EPS8L2: variants seen among roughly 807,000 people sequenced by gnomAD.
EPS8L2 encodes the protein EPS8 signaling adaptor L2, also known as epidermal growth factor receptor kinase substrate 8-like protein 2.
Under a neutral mutation model 99.4 loss-of-function variants are expected in EPS8L2, and 81 were observed. That is an observed-to-expected ratio of 0.82 (90% CI 0.68 to 0.98). The LOEUF (loss-of-function observed/expected upper bound fraction) is 0.98, where lower values mean the gene tolerates loss of function less well. Among genes scored for constraint, EPS8L2 ranks in the 50% least tolerant of loss-of-function variants. The pLI, the probability that EPS8L2 is intolerant of heterozygous loss-of-function variation, is 0.00. For missense variants in EPS8L2, 1,155 were observed against 968.8 expected (o/e 1.19, Z -2.55); for synonymous variants, 509 against 407.3 (o/e 1.25, Z -3.01).
Position 725,738 on chromosome 11 carries a change from AC to A in EPS8L2, c.1572del (p.Asp524GlufsTer23). 1 of 1,324,838 alleles carries A rather than the reference AC, an allele frequency of 7.5e-7. No homozygotes were observed. 82.1% of individuals were successfully genotyped at this position (1,324,838 alleles called of 1,614,324 possible). A position where few individuals can be genotyped will look rare whatever the true frequency, so the allele number is the denominator to read the frequency against. ...LKDEVLEVLE[D>X]GRQWWKLRSR... ...CGGCGCGCCCCGCAGGTGCTGGAGG[AC>A]GGCCGGCAGTGGTGGAAGCTGCGCA... On this transcript the variant is annotated frameshift_variant, in exon 17 of 21. Coordinates refer to ENST00000318562, the MANE Select transcript of EPS8L2 (RefSeq NM_022772.4). LOFTEE classifies it high-confidence loss of function.
At chr11:721,531 TC>T in intron 9 of EPS8L2, 33 bp from the exon 10 acceptor site, 1 of 1,526,968 alleles carries the variant, frequency 6.5e-7, no homozygotes, top group South Asian at 1.3e-5. Context: ...GTGGGGAGTG[TC>T]AGGGGCTGAC....
Position 710,421 on chromosome 11 carries a change from G to A in EPS8L2, c.101-1G>A. 6.2e-7 allele frequency: 1 copy of A among 1,613,492 alleles called. No homozygotes were observed. Among genetic ancestry groups the A allele is most frequent in the Non-Finnish European group, 8.5e-7 (1 of 1,179,876 alleles). On this transcript the variant is annotated splice_acceptor_variant, in intron 3 of 20. Transcript: ENST00000318562. LOFTEE classifies it high-confidence loss of function. The stretch of plus-strand genomic sequence containing the variant: ...GGAGTGACTGGTGTCTCCCGGTTCA[G>A]AGCAGAGGAAGAAGTATTCCAACTC...
rs753030452 is a variant in EPS8L2 at position 725,788 on chromosome 11, G to C, written c.1621G>C (p.Val541Leu). ...CAGCCGCAGCGGCCAGGCGGGGTAC[G>C]TGCCCTGCAACATCCTAGGCGAGGC... ...LRSRSGQAGYVPCNILGEARP... is the reference protein window; with the variant it reads ...LRSRSGQAGYLPCNILGEARP... The change falls in exon 17 of 21, where the codon GTG becomes CTG. Residue 541 changes from valine (V) to leucine (L), a missense_variant. By Grantham distance (32) the Val-to-Leu change is conservative. Transcript: ENST00000318562. 7.3e-7 allele frequency: 1 copy of C among 1,372,162 alleles called. No individual in the cohort carries two copies. Among genetic ancestry groups the C allele is most frequent in the Non-Finnish European group, 9.4e-7 (1 of 1,066,466 alleles). 85.0% of individuals were successfully genotyped at this position (1,372,162 alleles called of 1,614,324 possible).
At position 726,387 on chromosome 11, in the gene EPS8L2, C is replaced by T; in HGVS notation, c.1837C>T (p.Arg613Cys). The T allele has an allele frequency of 1.2e-6, 2 of 1,609,524 alleles. No individual in the cohort carries two copies. Among genetic ancestry groups the T allele is most frequent in the Non-Finnish European group, 1.7e-6 (2 of 1,178,784 alleles). The change falls in exon 19 of 21, where the codon CGC becomes TGC. Residue 613 changes from arginine to cysteine, a missense_variant. By Grantham distance (180) the Arg-to-Cys change is radical. Coordinates refer to ENST00000318562, the MANE Select transcript of EPS8L2 (RefSeq NM_022772.4). ...CAGGGCGCAGCCACAGAGGCACTTC[C>T]GCGTGGAGCGCAGCCAGCCCGTGAG... ...NIRAQPQRHF[R>C]VERSQPVSQP...
intron 4 of EPS8L2, among the ~76,000 whole-genome samples, chr11:718,668 ATTTC>A (rs1321762725): frequency 7.8e-6 from 1 of 127,676 alleles, no homozygotes; most frequent in Admixed American, 7.6e-5. Flanking sequence ...AATTTTTTTA[ATTTC>A]TTTTTTTTTT....
chr11:726,362 C>G lies in EPS8L2; in HGVS notation c.1812C>G (p.Ile604Met). Reference sequence around the variant, plus strand: ...AGCTCATCCGGAAAATCAGCAACATCAGGGCGCAGCCACAGAGGCACTTCC... The same window carrying G: ...AGCTCATCCGGAAAATCAGCAACATGAGGGCGCAGCCACAGAGGCACTTCC... ...NDELIRKISNIRAQPQRHFRV... is the reference protein window; with the variant it reads ...NDELIRKISNMRAQPQRHFRV... Residue 604 changes from isoleucine (I) to methionine (M), a missense_variant, in exon 19 of 21, where the codon ATC (isoleucine) becomes ATG (methionine). Coordinates refer to ENST00000318562, the MANE Select transcript of EPS8L2 (RefSeq NM_022772.4). 1.2e-6 allele frequency: 2 copies of G among 1,610,956 alleles called. No individual in the cohort carries two copies. The highest frequency in any genetic ancestry group is 1.7e-6 in the Non-Finnish European group (2 of 1,179,272).
Position 725,785 on chromosome 11 carries a change from T to A in EPS8L2, c.1618T>A (p.Tyr540Asn). 1 of 1,363,124 alleles carries A rather than the reference T, an allele frequency of 7.3e-7. No individual in the cohort carries two copies. 84.4% of individuals were successfully genotyped at this position (1,363,124 alleles called of 1,614,324 possible). A position where few individuals can be genotyped will look rare whatever the true frequency, so the allele number is the denominator to read the frequency against. ...GCGCAGCCGCAGCGGCCAGGCGGGGTACGTGCCCTGCAACATCCTAGGCGA... is the reference window on the plus strand; with the variant it reads ...GCGCAGCCGCAGCGGCCAGGCGGGGAACGTGCCCTGCAACATCCTAGGCGA... ...KLRSRSGQAG[Y>N]VPCNILGEAR... Residue 540 changes from tyrosine (Y) to asparagine (N), a missense_variant, in exon 17 of 21, where the codon TAC becomes AAC. Transcript: ENST00000318562.
chr11:721,580 G>A lies in EPS8L2; in HGVS notation c.784G>A (p.Ala262Thr), dbSNP rs756665887. The change falls in exon 10 of 21, where the codon GCC becomes ACC. Residue 262 changes from alanine (A) to threonine (T), a missense_variant. Coordinates refer to ENST00000318562, the MANE Select transcript of EPS8L2 (RefSeq NM_022772.4). ...CTGACCCCAGCAAATCCTCAACTGC[G>A]CCCTGGACGACATCGAGTGGTTTGT... is the stretch of plus-strand genomic sequence containing the variant. ...IEKETQILNC[A>T]LDDIEWFVAR... 5.8e-6 allele frequency: 9 copies of A among 1,565,116 alleles called. No homozygotes were observed. The East Asian group carries it at 1.6e-4, about 27-fold the overall frequency.
At chr11:722,340 A>T (rs1264673472) in intron 12 of EPS8L2, 61 bp from the exon 13 acceptor site, 1 of 1,588,154 alleles carries the variant, frequency 6.3e-7, no homozygotes. Context: ...CTGTGGAGCT[A>T]CGGGGGTGCT....
chr11:725,184 G>A (rs2133538407), intron 16 of EPS8L2, among the ~76,000 whole-genome samples: 1 of 152,328 alleles, frequency 6.6e-6, no homozygotes, highest in South Asian at 2.1e-4. Context: ...GCCACCCACT[G>A]GGGGACAGAA....
In EPS8L2 at chr11:721,589, G is replaced by A. The variant is rs775248143; in HGVS notation, c.793G>A (p.Asp265Asn). ...GCAAATCCTCAACTGCGCCCTGGAC[G>A]ACATCGAGTGGTTTGTGGCCCGGCT... is the stretch of plus-strand genomic sequence containing the variant. ...ETQILNCALD[D>N]IEWFVARLQK... is the part of the protein sequence containing the mutation. Residue 265 changes from aspartate (D) to asparagine (N), a missense_variant, in exon 10 of 21, where the codon GAC becomes AAC. Transcript: ENST00000318562. The A allele has an allele frequency of 1.6e-5, 25 of 1,568,522 alleles. No individual in the cohort carries two copies. The Middle Eastern group carries it at 5.1e-4, about 32-fold the overall frequency.
In EPS8L2 at chr11:722,083, A is replaced by AC. The variant is rs766469738; in HGVS notation, c.985-3dup. On this transcript the variant is annotated splice_region_variant and splice_polypyrimidine_tract_variant and intron_variant, in intron 11 of 20. Transcript: ENST00000318562. Reference sequence around the variant, plus strand: ...CCCCGGCACCTGCTCACTTGTTCCCACCCCCAGGCAAAGCTGCAGAAGCAC... The same window carrying AC: ...CCCCGGCACCTGCTCACTTGTTCCCACCCCCCAGGCAAAGCTGCAGAAGCAC... 5.6e-6 allele frequency: 9 copies of AC among 1,612,460 alleles called. No individual in the cohort carries two copies. Among genetic ancestry groups the AC allele is most frequent in the East Asian group, 4.5e-5 (2 of 44,838 alleles).
At chr11:725,621 C>A in intron 16 of EPS8L2, 107 bp from the exon 17 acceptor site, 1 of 1,082,986 alleles carries the variant, frequency 9.2e-7, no homozygotes, top group Non-Finnish European at 1.2e-6. Flanking sequence ...CGAAGCGGGG[C>A]TCCGGGAGAC....
chr11:726,273 A>G, intron 18 of EPS8L2, 31 bp from the exon 19 acceptor site: 2 of 1,586,554 alleles, frequency 1.3e-6, no homozygotes, highest in Non-Finnish European at 1.7e-6. Flanking sequence ...GGGGCAAGGC[A>G]GCGGCGGGCC....
chr11:719,628 C>T (rs1247837728), intron 4 of EPS8L2, among the ~76,000 whole-genome samples: 1 of 152,268 alleles, frequency 6.6e-6, no homozygotes, highest in African/African-American at 2.4e-5. Context: ...ACGCACAGCA[C>T]ACCACGTGCA....
At chr11:726,071 G>A in intron 17 of EPS8L2, 27 bp from the exon 18 acceptor site, 10 of 1,476,952 alleles carry the variant, frequency 6.8e-6, no homozygotes, top group Non-Finnish European at 9.3e-6. Flanking sequence ...GGGGCGTGGG[G>A]AGCCTAATCG....
rs959829404 is a variant in EPS8L2 at position 712,414 on chromosome 11, G to T, written c.165+1928G>T. Among the ~76,000 whole-genome samples the T allele has an allele frequency of 8.0e-5, 12 of 150,418 alleles. 1 individual carries two copies. The highest frequency in any genetic ancestry group is 2.9e-4 in the African/African-American group (12 of 41,188). On this transcript the variant is annotated intron_variant, in intron 4 of 20. Transcript: ENST00000318562. ...GGTGCGAGCTGGGCTCCCGGTTGTCGTCCAAGCCTGGGTGCGAGCTGGGCT... is the reference window on the plus strand; with the variant it reads ...GGTGCGAGCTGGGCTCCCGGTTGTCTTCCAAGCCTGGGTGCGAGCTGGGCT...
At position 711,237 on chromosome 11, in the gene EPS8L2, TTTGTGTGCGTGTGTGC is replaced by T. The variant is rs1294565371; in HGVS notation, c.165+752_165+767del. 6.6e-3 allele frequency among the ~76,000 whole-genome samples: 885 copies of T among 134,912 alleles called. 4 individuals are homozygous for T. Among genetic ancestry groups the T allele is most frequent in the African/African-American group, 0.023 (848 of 37,640 alleles). 88.5% of individuals were successfully genotyped at this position (134,912 alleles called of 152,430 possible). ...CTCAGGAAATGTTTTTTTGGGGGGT[TTTGTGTGCGTGTGTGC>T]GTGTGTGCGTGCGTGCGTGTGTGTG... On this transcript the variant is annotated intron_variant, in intron 4 of 20. Coordinates refer to ENST00000318562, the MANE Select transcript of EPS8L2 (RefSeq NM_022772.4).
At chr11:713,248 G>A (rs1861935496) in intron 4 of EPS8L2, among the ~76,000 whole-genome samples, 1 of 152,230 alleles carries the variant, frequency 6.6e-6, no homozygotes, top group Non-Finnish European at 1.5e-5. Context: ...TAAAAGCCAT[G>A]TGTACGTGGG....
Sources: gnomAD v4.1 joint callset for allele counts (sites outside exome capture counted in the v4.1 genomes callset) on GRCh38, gnomAD v4.1.1 for gene constraint, MANE v1.5 for transcripts, NCBI Gene and HGNC (gene_info 2026-07-23, HGNC 2026-07-21) for gene names.